The following YLPM1 variants were observed in gnomAD, a reference collection of about 807,000 sequenced individuals.
YLPM1 encodes the protein YLP motif containing 1.
YLPM1 carries 99 observed loss-of-function variants against 230.0 expected under a neutral mutation model. The observed-to-expected ratio is 0.43, with a 90% CI of 0.37 to 0.51. The LOEUF (loss-of-function observed/expected upper bound fraction) is 0.51. YLPM1 is among the 20% of genes least tolerant of loss of function. The pLI is 0.00. For synonymous variants in YLPM1, 984 were observed against 942.5 expected, an observed-to-expected ratio of 1.04 and a Z score of -0.81; for missense variants, 2,592 against 2,707.7, an observed-to-expected ratio of 0.96 and a Z score of 0.95.
chr14:74,816,714 G>A (rs754290246), intron 13 of YLPM1, 24 bp downstream of exon 13: 47 of 1,593,660 alleles, frequency 2.9e-5, no homozygotes, highest in Non-Finnish European at 3.6e-5. Context: ...CTCAGATCTC[G>A]TTCTGATTCA....
intron 2 of YLPM1, among the ~76,000 whole-genome samples, chr14:74,779,690 G>A (rs1222659681): frequency 4.0e-5 from 6 of 150,550 alleles, no homozygotes; most frequent in South Asian, 2.1e-4. Context: ...TGCCCAGGCT[G>A]GAGTGCAGTG....
chr14:74,801,925 G>GA (rs1236536519), intron 5 of YLPM1, among the ~76,000 whole-genome samples: 1 of 152,072 alleles, frequency 6.6e-6, no homozygotes, highest in Non-Finnish European at 1.5e-5. Flanking sequence ...CTAAAGAGTT[G>GA]AAAAAAATAG....
chr14:74,799,102 G>A lies in YLPM1; in HGVS notation c.3805G>A (p.Glu1269Lys), dbSNP rs2091297086. Residue 1269 changes from glutamate to lysine, a missense_variant, in exon 5 of 21, where the codon GAG becomes AAG. Glu to Lys is a moderately conservative substitution (Grantham distance 56). This residue lies in a region of YLPM1 where 1,862 missense variants were observed against 1,819.8 expected (regional missense o/e 1.02). Transcript: ENST00000325680. Reference protein sequence around the residue: ...DRRGPWWDDWERDQDMDEDYN... With the variant: ...DRRGPWWDDWKRDQDMDEDYN... ...GCGAGGCCCTTGGTGGGATGATTGG[G>A]AGAGAGACCAGGATATGGATGAGGA... is the stretch of plus-strand genomic sequence containing the variant. 6.2e-7 allele frequency: 1 copy of A among 1,613,958 alleles called. No individual in the cohort carries two copies. The highest frequency in any genetic ancestry group is 8.5e-7 in the Non-Finnish European group (1 of 1,179,870).
chr14:74,764,002 A>G lies in YLPM1; in HGVS notation c.513A>G (p.Pro171=), dbSNP rs772597134. 6.7e-7 allele frequency: 1 copy of G among 1,492,472 alleles called. No homozygotes were observed. Among genetic ancestry groups the G allele is most frequent in the East Asian group, 2.5e-5 (1 of 39,594 alleles). 92.5% of individuals were successfully genotyped at this position (1,492,472 alleles called of 1,614,324 possible). Residue 171 remains proline (P), a synonymous_variant, in exon 1 of 21, where the codon CCA becomes CCG. Transcript: ENST00000325680. ...CTTACATGCCCCCACCTCAGCCGCC[A>G]CCCTCTTACTACCCCCCGACCTCAT... ...SQSYMPPPQP[P]PSYYPPTSSQ... is the part of the protein sequence containing the mutation.
intron 1 of YLPM1, among the ~76,000 whole-genome samples, chr14:74,768,901 T>G (rs539042446): frequency 6.0e-5 from 9 of 151,114 alleles, no homozygotes; most frequent in Middle Eastern, 3.4e-3. Context: ...TGTTTTTTGT[T>G]TTTTTTTTAA....
chr14:74,824,156 C>A, intron 17 of YLPM1, 100 bp from the exon 18 acceptor site: 1 of 1,176,624 alleles, frequency 8.5e-7, no homozygotes, highest in South Asian at 1.4e-5. Context: ...TCAGTGGAAA[C>A]TGAATCCATT....
At position 74,798,229 on chromosome 14, in the gene YLPM1, G is replaced by T. The variant is rs1157831515; in HGVS notation, c.2932G>T (p.Ala978Ser). 14 of 1,613,876 alleles carry T rather than the reference G, an allele frequency of 8.7e-6. No individual in the cohort carries two copies. Among genetic ancestry groups the T allele is most frequent in the Admixed American group, 1.7e-5 (1 of 60,000 alleles). ...GTAVATSSLT[A>S]DNDFKPVGIG... ...AGCAGTAGCAACATCATCATTAACA[G>T]CAGATAATGATTTTAAACCTGTGGG... The change falls in exon 5 of 21, where the codon GCA (alanine) becomes TCA (serine). Residue 978 changes from alanine to serine, a missense_variant. Ala to Ser is a moderately conservative substitution (Grantham distance 99, BLOSUM62 1). This residue lies in a region of YLPM1 where 1,862 missense variants were observed against 1,819.8 expected (regional missense o/e 1.02). Coordinates refer to ENST00000325680, the MANE Select transcript of YLPM1 (RefSeq NM_019589.3).
chr14:74,798,696 A>T lies in YLPM1; in HGVS notation c.3399A>T (p.Arg1133Ser). 1 of 1,611,712 alleles carries T rather than the reference A, an allele frequency of 6.2e-7. No homozygotes were observed. The highest frequency in any genetic ancestry group is 2.2e-5 in the East Asian group (1 of 44,824). Residue 1133 changes from arginine to serine, a missense_variant, in exon 5 of 21, where the codon AGA (arginine) becomes AGT (serine). Arg to Ser is a moderately radical substitution (Grantham distance 110). Around this residue, in one of 4 missense-constraint regions of YLPM1, gnomAD observed 1,862 missense variants for 1,819.8 expected, o/e 1.02. Coordinates refer to ENST00000325680, the MANE Select transcript of YLPM1 (RefSeq NM_019589.3). ...GPLRRAGSRERIPPRRAGSRE... is the reference protein window; with the variant it reads ...GPLRRAGSRESIPPRRAGSRE... ...TTCGAAGGGCTGGGAGTAGAGAGAG[A>T]ATACCACCCCGAAGAGCTGGGAGCA... is the stretch of plus-strand genomic sequence containing the variant.
chr14:74,816,406 G>A lies in YLPM1; in HGVS notation c.5565+141G>A. ...ATTACAGTTGGCCCATGTGGTAGAT[G>A]TTGTCCCATATATATTTTTATCTAC... On this transcript the variant is annotated intron_variant, in intron 12 of 20. Transcript: ENST00000325680. 5.6e-6 allele frequency: 7 copies of A among 1,242,696 alleles called. No homozygotes were observed. In the South Asian group the frequency reaches 1.0e-4, roughly 18 times the overall value. The allele number at this position is 1,242,696 out of a possible 1,614,324, so 77.0% of individuals were successfully genotyped here.
At chr14:74,772,659 T>C (rs1451332010) in intron 1 of YLPM1, among the ~76,000 whole-genome samples, 9 of 151,964 alleles carry the variant, frequency 5.9e-5, no homozygotes, top group African/African-American at 2.2e-4. Flanking sequence ...ACCCAGCCAA[T>C]AGTTCTACAT....
At chr14:74,768,113 T>C (rs2090931790) in intron 1 of YLPM1, among the ~76,000 whole-genome samples, 1 of 152,226 alleles carries the variant, frequency 6.6e-6, no homozygotes, top group African/African-American at 2.4e-5. Flanking sequence ...TATGGAGTTA[T>C]GTAAAGAAAA....
At position 74,798,465 on chromosome 14, in the gene YLPM1, CT is replaced by C; in HGVS notation, c.3171del (p.Arg1058GlyfsTer4). 6.2e-7 allele frequency: 1 copy of C among 1,613,868 alleles called. No homozygotes were observed. The highest frequency in any genetic ancestry group is 8.5e-7 in the Non-Finnish European group (1 of 1,179,874). On this transcript the variant is annotated frameshift_variant, in exon 5 of 21. Coordinates refer to ENST00000325680, the MANE Select transcript of YLPM1 (RefSeq NM_019589.3). LOFTEE classifies it high-confidence loss of function. The stretch of plus-strand genomic sequence containing the variant: ...GCCCAGGATTGGTCAAGCAAGAAGA[CT>C]TTCGGGATAAGATGATGGGTAGAAG... The part of the protein sequence containing the change: ...RGPGLVKQED[F>X]RDKMMGRRED...
In YLPM1 at chr14:74,782,120, G is replaced by A. The variant is rs748560533; in HGVS notation, c.2077G>A (p.Gly693Ser). Residue 693 changes from glycine to serine, a missense_variant, in exon 4 of 21, where the codon GGT becomes AGT. Gly to Ser is a moderately conservative substitution (Grantham distance 56, BLOSUM62 0). Transcript: ENST00000325680. Reference sequence around the variant, plus strand: ...TTACCATCCTCCGTTGCAATCAGCTGGTCCATCAGAACAAGTGAATTCAAA... The same window carrying A: ...TTACCATCCTCCGTTGCAATCAGCTAGTCCATCAGAACAAGTGAATTCAAA... The part of the protein sequence containing the change: ...TTYHPPLQSA[G>S]PSEQVNSKAP... The A allele has an allele frequency of 4.3e-6, 7 of 1,613,778 alleles. No homozygotes were observed. Among genetic ancestry groups the A allele is most frequent in the Non-Finnish European group, 5.1e-6 (6 of 1,179,846 alleles).
At chr14:74,787,967 A>C (rs2091165615) in intron 4 of YLPM1, among the ~76,000 whole-genome samples, 1 of 152,192 alleles carries the variant, frequency 6.6e-6, no homozygotes. Flanking sequence ...GAACTGCACC[A>C]CTGTACTCCA....
At chr14:74,814,293 G>A (rs1199624461) in intron 11 of YLPM1, among the ~76,000 whole-genome samples, 3 of 152,144 alleles carry the variant, frequency 2.0e-5, no homozygotes, top group Admixed American at 1.3e-4. Context: ...CCCAGGAGGC[G>A]GAGCTTGCAG....
rs547468141 is a variant in YLPM1 at position 74,764,717 on chromosome 14, G to T, written c.873+355G>T. Among the ~76,000 whole-genome samples the T allele has an allele frequency of 6.2e-4, 94 of 152,284 alleles. 1 individual carries two copies. The highest frequency in any genetic ancestry group is 2.2e-3 in the African/African-American group (91 of 41,564). ...TTTTAAAATTGTATTTTAAACGAAA[G>T]TTTCCATTTGAGAGAAAGCATGAAA... On this transcript the variant is annotated intron_variant, in intron 1 of 20. Transcript: ENST00000325680.
At chr14:74,816,816 A>G (rs1410035504) in intron 13 of YLPM1, 115 bp from the exon 14 acceptor site, 3 of 1,437,016 alleles carry the variant, frequency 2.1e-6, no homozygotes, top group African/African-American at 1.4e-5. Context: ...GTACTTTAGT[A>G]CTTGGGTGTG....
chr14:74,809,219 G>A (rs77648404), intron 6 of YLPM1, among the ~76,000 whole-genome samples, 161 bp from the exon 7 acceptor site: 1 of 150,932 alleles, frequency 6.6e-6, no homozygotes, highest in South Asian at 2.1e-4. Context: ...TCTGTGGCTT[G>A]TCCTCATTTT....
At position 74,764,221 on chromosome 14, in the gene YLPM1, A is replaced by G. The variant is rs762114897; in HGVS notation, c.732A>G (p.Leu244=). The change falls in exon 1 of 21, where the codon CTA becomes CTG. Residue 244 remains leucine, a synonymous_variant. Transcript: ENST00000325680. ...RPSQGHSKSQ[L]LAPPPPSAPP... ...CCCAGGGCCATTCTAAATCCCAACTACTAGCTCCACCACCACCGTCCGCCC... is the reference window on the plus strand; with the variant it reads ...CCCAGGGCCATTCTAAATCCCAACTGCTAGCTCCACCACCACCGTCCGCCC... 2 of 1,611,632 alleles carry G rather than the reference A, an allele frequency of 1.2e-6. No individual in the cohort carries two copies. Among genetic ancestry groups the G allele is most frequent in the East Asian group, 2.2e-5 (1 of 44,646 alleles).
Sources: allele counts gnomAD v4.1 joint callset (sites outside exome capture counted in the v4.1 genomes callset), GRCh38; gene constraint gnomAD v4.1.1; regional missense constraint gnomAD v4.1.1; transcripts MANE v1.5; gene names NCBI Gene and HGNC (gene_info 2026-07-23, HGNC 2026-07-21).